ARHGAP42: variants seen among roughly 807,000 people sequenced by gnomAD.
The protein encoded by ARHGAP42 is rho GTPase-activating protein 42.
ARHGAP42 carries 63 observed loss-of-function variants against 125.0 expected under a neutral mutation model. That is an observed-to-expected ratio of 0.50 (90% CI 0.41 to 0.62). The LOEUF (loss-of-function observed/expected upper bound fraction) is 0.62, where lower values mean the gene tolerates loss of function less well. Ranked by LOEUF, ARHGAP42 falls within the 20% of genes least tolerant of loss-of-function variation. The pLI, the probability that ARHGAP42 is intolerant of heterozygous loss-of-function variation, is 0.00. For synonymous variants in ARHGAP42, 339 were observed against 351.0 expected (o/e 0.97, Z 0.38); for missense variants, 766 against 1,024.2 (o/e 0.75, Z 3.44).
chr11:100,766,603 T>C (rs1393782008), intron 1 of ARHGAP42, among the ~76,000 whole-genome samples: 1 of 152,186 alleles, frequency 6.6e-6, no homozygotes, highest in African/African-American at 2.4e-5. Flanking sequence ...ATGGAAGATA[T>C]TGGGCTTTCT....
intron 12 of ARHGAP42, among the ~76,000 whole-genome samples, chr11:100,959,185 A>T (rs1322478049): frequency 6.6e-6 from 1 of 152,074 alleles, no homozygotes; most frequent in African/African-American, 2.4e-5. Context: ...TTAAATAAGT[A>T]ATTTAATTTG....
intron 1 of ARHGAP42, among the ~76,000 whole-genome samples, chr11:100,738,704 T>C (rs1188529388): frequency 2.0e-5 from 3 of 152,238 alleles, no homozygotes; most frequent in Non-Finnish European, 4.4e-5. Flanking sequence ...CTATTGCTGC[T>C]GACTACTAAA....
Position 100,725,719 on chromosome 11 carries a change from C to T in ARHGAP42, c.154+37887C>T, listed in dbSNP as rs369287020. Among the ~76,000 whole-genome samples the T allele has an allele frequency of 7.8e-4, 118 of 151,964 alleles. No individual in the cohort carries two copies. In the East Asian group the frequency reaches 8.6e-3, roughly 11 times the overall value. On this transcript the variant is annotated intron_variant, in intron 1 of 23. Transcript: ENST00000298815. ...TTGGGAGGCCGATGTGGGCGGATCA[C>T]GAAGTCAGGAGATCGAGACCATCCT...
intron 4 of ARHGAP42, among the ~76,000 whole-genome samples, chr11:100,889,520 A>C (rs542305845): frequency 6.6e-6 from 1 of 152,134 alleles, no homozygotes; most frequent in Non-Finnish European, 1.5e-5. Context: ...GTAATAAATA[A>C]ACTTCTGTTC....
chr11:100,903,970 T>A (rs1866648253), intron 4 of ARHGAP42, among the ~76,000 whole-genome samples: 1 of 151,512 alleles, frequency 6.6e-6, no homozygotes, highest in Non-Finnish European at 1.5e-5. Context: ...TCTGCCTGCT[T>A]TATATTCACT....
intron 2 of ARHGAP42, among the ~76,000 whole-genome samples, chr11:100,789,783 A>T (rs553212726): frequency 2.6e-5 from 4 of 152,210 alleles, no homozygotes; most frequent in African/African-American, 9.6e-5. Flanking sequence ...GCAGTCTAAT[A>T]AAGTGATATA....
chr11:100,883,806 C>T (rs1413939930), intron 4 of ARHGAP42, among the ~76,000 whole-genome samples: 2 of 152,076 alleles, frequency 1.3e-5, no homozygotes, highest in East Asian at 3.9e-4. Context: ...TGCTTTGGGT[C>T]CACAAGAAGG....
intron 1 of ARHGAP42, among the ~76,000 whole-genome samples, chr11:100,748,599 A>T (rs543075171): frequency 8.5e-5 from 13 of 152,266 alleles, no homozygotes; most frequent in African/African-American, 2.4e-4. Context: ...GATAGTGCTG[A>T]CCTGATGAGG....
At chr11:100,806,817 TTTTA>T (rs1165259064) in intron 3 of ARHGAP42, among the ~76,000 whole-genome samples, 14 of 141,238 alleles carry the variant, frequency 9.9e-5, no homozygotes, top group Middle Eastern at 3.5e-3. Context: ...TTTTTAAATT[TTTTA>T]TTTGTTTGTT....
intron 5 of ARHGAP42, among the ~76,000 whole-genome samples, chr11:100,918,823 A>G (rs1387051426): frequency 6.6e-6 from 1 of 152,160 alleles, no homozygotes; most frequent in African/African-American, 2.4e-5. Context: ...AGCAAGAGTC[A>G]TTTCTCTTTC....
At chr11:100,972,245 C>A (rs994895969) in intron 17 of ARHGAP42, among the ~76,000 whole-genome samples, 2 of 152,062 alleles carry the variant, frequency 1.3e-5, no homozygotes, top group Non-Finnish European at 1.5e-5. Context: ...ATACTAATAA[C>A]CTGACTTGGA....
intron 2 of ARHGAP42, among the ~76,000 whole-genome samples, chr11:100,777,252 A>G (rs1001046352): frequency 2.0e-5 from 3 of 152,208 alleles, no homozygotes; most frequent in African/African-American, 7.2e-5. Context: ...CTGTGCTGGC[A>G]GTGCTTTGCC....
At chr11:100,874,841 GT>G (rs1865773592) in intron 4 of ARHGAP42, among the ~76,000 whole-genome samples, 1 of 152,132 alleles carries the variant, frequency 6.6e-6, no homozygotes, top group South Asian at 2.1e-4. Flanking sequence ...CCCAAAAGAA[GT>G]GTGGCACAGG....
intron 3 of ARHGAP42, among the ~76,000 whole-genome samples, chr11:100,812,512 A>T (rs1485118381): frequency 6.6e-6 from 1 of 152,210 alleles, no homozygotes; most frequent in African/African-American, 2.4e-5. Context: ...AAAAAGGGAG[A>T]TAAACTAGGA....
intron 3 of ARHGAP42, among the ~76,000 whole-genome samples, chr11:100,822,551 A>G (rs765705374): frequency 6.6e-6 from 1 of 152,190 alleles, no homozygotes; most frequent in Non-Finnish European, 1.5e-5. Context: ...AAAACTGTTC[A>G]TCCTTCAATT....
intron 5 of ARHGAP42, among the ~76,000 whole-genome samples, chr11:100,916,055 T>C (rs1867053987): frequency 6.6e-6 from 1 of 152,190 alleles, no homozygotes; most frequent in Non-Finnish European, 1.5e-5. Context: ...GACTCCTTAT[T>C]CATTTTGTTC....
At chr11:100,969,658 T>G (rs968200232) in intron 17 of ARHGAP42, among the ~76,000 whole-genome samples, 7 of 152,178 alleles carry the variant, frequency 4.6e-5, no homozygotes, top group African/African-American at 1.4e-4. Flanking sequence ...AAATAACCTC[T>G]CTCTCATTAT....
In ARHGAP42 at chr11:100,796,738, T is replaced by C. The variant is rs755807307; in HGVS notation, c.312+1572T>C. Among the ~76,000 whole-genome samples, 154 of 151,652 alleles carry C rather than the reference T, an allele frequency of 1.0e-3. 1 individual carries two copies. Among genetic ancestry groups the C allele is most frequent in the Non-Finnish European group, 3.4e-4 (23 of 67,958 alleles). ...GCCACATTTCCTTAAGCCAAGCCCA[T>C]TGAGAACAAGTCCCTAACTCTTTTT... On this transcript the variant is annotated intron_variant, in intron 3 of 23. Coordinates refer to ENST00000298815, the MANE Select transcript of ARHGAP42 (RefSeq NM_152432.4).
chr11:100,877,876 A>G (rs1228400244), intron 4 of ARHGAP42, among the ~76,000 whole-genome samples: 3 of 151,862 alleles, frequency 2.0e-5, no homozygotes, highest in Non-Finnish European at 2.9e-5. Context: ...GTGGTGGCAC[A>G]TGCCTGTAAT....
Sources: gnomAD v4.1 joint callset for allele counts (sites outside exome capture counted in the v4.1 genomes callset) on GRCh38, gnomAD v4.1.1 for gene constraint, MANE v1.5 for transcripts, NCBI Gene and HGNC (gene_info 2026-07-23, HGNC 2026-07-21) for gene names.